The following GULP1 variants were observed in gnomAD, a reference collection of about 807,000 sequenced individuals.
The protein encoded by GULP1 is PTB domain-containing engulfment adapter protein 1.
GULP1 carries 19 observed loss-of-function variants against 40.9 expected under a neutral mutation model. The ratio of observed to expected loss-of-function variants is 0.46; its 90% CI spans 0.32 to 0.68. The LOEUF (loss-of-function observed/expected upper bound fraction) is 0.68, where lower values mean the gene tolerates loss of function less well. GULP1 is among the 30% of genes least tolerant of loss of function. GULP1 has a pLI of 0.03. For synonymous variants in GULP1, 119 were observed against 117.6 expected (o/e 1.01, Z -0.08); for missense variants, 312 against 362.2 (o/e 0.86, Z 1.12).
In GULP1 at chr2:188,594,630, A is replaced by C. The variant is rs548051083; in HGVS notation, c.*619A>C. The C allele has an allele frequency of 2.0e-5, 3 of 151,926 alleles. No homozygotes were observed. The South Asian group carries it at 6.2e-4, about 31-fold the overall frequency. 9.4% of individuals were successfully genotyped at this position (151,926 alleles called of 1,614,324 possible). On this transcript the variant is annotated 3_prime_UTR_variant, in exon 12 of 12. Transcript: ENST00000409830. ...ATTTAGAGTATTTATTAGTAAATGC[A>C]AGGTGATGTTAGTTATGATCAGTTA...
chr2:188,538,359 T>C (rs964077006), intron 6 of GULP1, among the ~76,000 whole-genome samples: 1 of 152,052 alleles, frequency 6.6e-6, no homozygotes, highest in Non-Finnish European at 1.5e-5. Flanking sequence ...TGAATTCTAT[T>C]CCCAGAAGTG....
intron 5 of GULP1, among the ~76,000 whole-genome samples, chr2:188,524,744 G>A (rs1368562188): frequency 6.6e-6 from 1 of 150,962 alleles, no homozygotes; most frequent in Non-Finnish European, 1.5e-5. Flanking sequence ...TAAAAAAAAA[G>A]AGAAAAAAGA....
At chr2:188,367,892 G>C (rs1559157450) in intron 1 of GULP1, among the ~76,000 whole-genome samples, 1 of 152,040 alleles carries the variant, frequency 6.6e-6, no homozygotes, top group Admixed American at 6.6e-5. Context: ...GGTGGGTGGG[G>C]GTTCTGATTG....
At chr2:188,511,277 A>G (rs1223694431) in intron 4 of GULP1, among the ~76,000 whole-genome samples, 2 of 152,202 alleles carry the variant, frequency 1.3e-5, no homozygotes, top group Admixed American at 1.3e-4. Flanking sequence ...GGCATAGATA[A>G]GTAATACTAT....
chr2:188,478,867 G>GT (rs2061235670), intron 3 of GULP1, among the ~76,000 whole-genome samples: 1 of 152,070 alleles, frequency 6.6e-6, no homozygotes, highest in South Asian at 2.1e-4. Flanking sequence ...GGCACTGGGT[G>GT]TTCTCCCTTT....
intron 1 of GULP1, among the ~76,000 whole-genome samples, chr2:188,359,485 C>G (rs2045806553): frequency 6.6e-6 from 1 of 152,142 alleles, no homozygotes; most frequent in Non-Finnish European, 1.5e-5. Flanking sequence ...CTTTTCTCTG[C>G]TAGCATGGTA....
At chr2:188,408,038 G>C (rs117455617) in intron 2 of GULP1, among the ~76,000 whole-genome samples, 2 of 152,190 alleles carry the variant, frequency 1.3e-5, no homozygotes, top group African/African-American at 4.8e-5. Context: ...TGATAGCTCA[G>C]TCCCCAAATT....
intron 2 of GULP1, among the ~76,000 whole-genome samples, chr2:188,429,168 C>T (rs1214902518): frequency 6.6e-6 from 1 of 152,050 alleles, no homozygotes; most frequent in East Asian, 1.9e-4. Context: ...GAGTCTTTAA[C>T]TTGAATTTGG....
At chr2:188,541,905 C>G (rs889361753) in intron 7 of GULP1, 2 of 154,178 alleles carry the variant, frequency 1.3e-5, no homozygotes, top group African/African-American at 2.4e-5. Context: ...GTGAAGAGAT[C>G]GAGACCATCC....
chr2:188,569,700 A>G (rs1698612517), intron 8 of GULP1: 1 of 353,910 alleles, frequency 2.8e-6, no homozygotes, highest in African/African-American at 2.2e-5. Context: ...GCCTTTCTCC[A>G]CTCTTCAAAA....
chr2:188,381,230 C>T (rs1229974741), intron 1 of GULP1, among the ~76,000 whole-genome samples: 1 of 152,076 alleles, frequency 6.6e-6, no homozygotes, highest in Non-Finnish European at 1.5e-5. Context: ...ATGTCATTTC[C>T]TGCAAGAAGA....
intron 7 of GULP1, among the ~76,000 whole-genome samples, chr2:188,558,024 T>C (rs1695255556): frequency 6.6e-6 from 1 of 152,140 alleles, no homozygotes; most frequent in African/African-American, 2.4e-5. Flanking sequence ...GCTGCAAAGG[T>C]CTCTGAAATT....
At chr2:188,480,548 A>G (rs1245284126) in intron 3 of GULP1, among the ~76,000 whole-genome samples, 2 of 151,926 alleles carry the variant, frequency 1.3e-5, no homozygotes, top group Admixed American at 1.3e-4. Flanking sequence ...ATGGTGTTAG[A>G]GTTACTCAGA....
At chr2:188,532,336 G>T (rs1462264575) in intron 6 of GULP1, among the ~76,000 whole-genome samples, 1 of 152,060 alleles carries the variant, frequency 6.6e-6, no homozygotes, top group Admixed American at 6.6e-5. Context: ...TTGGGTTTTA[G>T]AATTCACAGG....
At chr2:188,387,691 T>C (rs2049959968) in intron 2 of GULP1, among the ~76,000 whole-genome samples, 1 of 152,094 alleles carries the variant, frequency 6.6e-6, no homozygotes, top group Non-Finnish European at 1.5e-5. Flanking sequence ...GGTACTGGGC[T>C]GGCAAACCAT....
At chr2:188,370,710 G>C (rs529314171) in intron 1 of GULP1, among the ~76,000 whole-genome samples, 37 of 152,022 alleles carry the variant, frequency 2.4e-4, no homozygotes, top group African/African-American at 8.4e-4. Flanking sequence ...TGAATAAATT[G>C]CTTCTCTGCA....
intron 5 of GULP1, 45 bp from the exon 6 acceptor site, chr2:188,529,052 T>C (rs1173375869): frequency 1.2e-6 from 1 of 867,240 alleles, no homozygotes; most frequent in Non-Finnish European, 1.9e-6. Flanking sequence ...GTTCATTCTT[T>C]ATAGAAATAG....
At chr2:188,512,473 G>T (rs1221094564) in intron 4 of GULP1, among the ~76,000 whole-genome samples, 1 of 151,932 alleles carries the variant, frequency 6.6e-6, no homozygotes, top group African/African-American at 2.4e-5. Context: ...TGTTATAAAT[G>T]ATGTCCTTTG....
Position 188,466,291 on chromosome 2 carries a change from TTC to T in GULP1, c.-44-11367_-44-11366del, listed in dbSNP as rs1491498419. On this transcript the variant is annotated intron_variant, in intron 2 of 11. Transcript: ENST00000409830. ...TTTGACCTCAGTGGCTGGTTTTTTT[TTC>T]CCCCCCCGGAGTCTTGCTCTGTCAC... Among the ~76,000 whole-genome samples, 663 of 147,540 alleles carry T rather than the reference TTC, an allele frequency of 4.5e-3. 8 individuals are homozygous for T. Among genetic ancestry groups the T allele is most frequent in the African/African-American group, 0.017 (637 of 37,414 alleles).
Sources: allele counts gnomAD v4.1 joint callset (sites outside exome capture counted in the v4.1 genomes callset), GRCh38; gene constraint gnomAD v4.1.1; transcripts MANE v1.5; gene names NCBI Gene and HGNC (gene_info 2026-07-23, HGNC 2026-07-21).